Variants in EYA3 observed in about 807,000 individuals in gnomAD.
EYA3 encodes the protein protein phosphatase EYA3.
A neutral mutation model predicts 80.0 loss-of-function variants in EYA3; 39 were observed. The ratio of observed to expected loss-of-function variants is 0.49; its 90% CI spans 0.38 to 0.64. The LOEUF (loss-of-function observed/expected upper bound fraction) is 0.64. Ranked by LOEUF, EYA3 falls within the 30% of genes least tolerant of loss-of-function variation. EYA3 has a pLI of 0.00. For synonymous variants in EYA3, 206 were observed against 232.8 expected (o/e 0.88, Z 1.05); for missense variants, 523 against 676.1 (o/e 0.77, Z 2.51).
In EYA3 at chr1:27,988,571, A is replaced by G; in HGVS notation, c.1504T>C (p.Phe502Leu). 1.2e-6 allele frequency: 2 copies of G among 1,614,172 alleles called. No individual in the cohort carries two copies. Among genetic ancestry groups the G allele is most frequent in the South Asian group, 1.1e-5 (1 of 91,082 alleles). ...GCACTATAGATGTTCTCAATAGGAA[A>G]TATTTCTCCTAGTCCATATAGGAGA... ...KVLLYGLGEI[F>L]PIENIYSATK... is the part of the protein sequence containing the mutation. The change falls in exon 16 of 18, where the codon TTT becomes CTT. Residue 502 changes from phenylalanine to leucine, a missense_variant. Physicochemically the swap from Phe to Leu is conservative, Grantham distance 22 (BLOSUM62 0). Around this residue, in one of 2 missense-constraint regions of EYA3, gnomAD observed 219 missense variants for 332.8 expected, o/e 0.66. Transcript: ENST00000373871.
rs1643850526 is a variant in EYA3 at position 28,042,661 on chromosome 1, C to A, written c.78-11G>T. 9.3e-6 allele frequency: 15 copies of A among 1,609,778 alleles called. No homozygotes were observed. The highest frequency in any genetic ancestry group is 1.2e-5 in the Non-Finnish European group (14 of 1,176,068). On this transcript the variant is annotated splice_polypyrimidine_tract_variant and intron_variant, in intron 3 of 17. Transcript: ENST00000373871. ...GGATTGCTTACTTGACTGGGAGAAC[C>A]AAAATGAATACATTAGCCCCTGATT...
chr1:28,070,341 C>T (rs1260415940), intron 1 of EYA3, among the ~76,000 whole-genome samples: 1 of 152,004 alleles, frequency 6.6e-6, no homozygotes, highest in African/African-American at 2.4e-5. Flanking sequence ...CAGGTGATCA[C>T]CTGAGGTCAG....
chr1:27,999,729 A>T (rs1640700539), intron 12 of EYA3, among the ~76,000 whole-genome samples: 1 of 152,206 alleles, frequency 6.6e-6, no homozygotes, highest in Non-Finnish European at 1.5e-5. Flanking sequence ...CAAATAAACT[A>T]ACAAAAATCA....
chr1:28,060,962 T>C (rs571242700), intron 1 of EYA3, among the ~76,000 whole-genome samples: 1 of 152,248 alleles, frequency 6.6e-6, no homozygotes, highest in Non-Finnish European at 1.5e-5. Context: ...TTCAGTGAGC[T>C]GAGATCGCAC....
chr1:28,058,190 A>G, intron 1 of EYA3, 96 bp from the exon 2 acceptor site: 2 of 466,986 alleles, frequency 4.3e-6, no homozygotes, highest in Non-Finnish European at 7.4e-6. Flanking sequence ...TGCTACCCCA[A>G]GCTTTCTACG....
chr1:28,033,660 A>C (rs200837348), intron 6 of EYA3, among the ~76,000 whole-genome samples: 1 of 98,942 alleles, frequency 1.0e-5, no homozygotes, highest in Admixed American at 9.5e-5. Context: ...TATTATTATT[A>C]TTATTATTAT....
intron 14 of EYA3, among the ~76,000 whole-genome samples, chr1:27,992,070 T>C (rs1640103649): frequency 6.6e-6 from 1 of 152,214 alleles, no homozygotes; most frequent in South Asian, 2.1e-4. Context: ...ATGATTTTTA[T>C]CTGGTATTAG....
chr1:28,073,122 TATA>T (rs1406963454), intron 1 of EYA3, among the ~76,000 whole-genome samples: 5 of 56,618 alleles, frequency 8.8e-5, no homozygotes, highest in African/African-American at 2.7e-4. Context: ...TATATATATA[TATA>T]TATTTTTTTT....
At chr1:28,011,591 A>G (rs971680607) in intron 9 of EYA3, among the ~76,000 whole-genome samples, 22 of 152,174 alleles carry the variant, frequency 1.4e-4, no homozygotes, top group Admixed American at 1.4e-3. Context: ...TTCATTCACC[A>G]ATTTACTATA....
At chr1:27,999,583 A>G (rs1222861430) in intron 12 of EYA3, among the ~76,000 whole-genome samples, 1 of 152,236 alleles carries the variant, frequency 6.6e-6, no homozygotes, top group Non-Finnish European at 1.5e-5. Flanking sequence ...AGAAAAGTCA[A>G]AACATAATTG....
At chr1:28,077,521 A>G (rs932157211) in intron 1 of EYA3, among the ~76,000 whole-genome samples, 1 of 152,226 alleles carries the variant, frequency 6.6e-6, no homozygotes, top group African/African-American at 2.4e-5. Context: ...AGTGAGCTTA[A>G]TAACAGTACA....
intron 1 of EYA3, among the ~76,000 whole-genome samples, chr1:28,086,546 T>C (rs1571995637): frequency 6.6e-6 from 1 of 152,262 alleles, no homozygotes; most frequent in South Asian, 2.1e-4. Flanking sequence ...GACAATGGTA[T>C]ATAATCTTTA....
At chr1:28,073,506 C>A (rs1645102904) in intron 1 of EYA3, among the ~76,000 whole-genome samples, 1 of 151,744 alleles carries the variant, frequency 6.6e-6, no homozygotes, top group Non-Finnish European at 1.5e-5. Flanking sequence ...CACCGTGTTG[C>A]CCAGGCTGGT....
intron 16 of EYA3, among the ~76,000 whole-genome samples, chr1:27,988,234 A>T (rs1268982549): frequency 6.6e-6 from 1 of 152,174 alleles, no homozygotes; most frequent in Non-Finnish European, 1.5e-5. Flanking sequence ...ATTATACTAC[A>T]TACTCTCTGT....
At position 28,009,625 on chromosome 1, in the gene EYA3, G is replaced by C. The variant is rs966882538; in HGVS notation, c.909+1322C>G. On this transcript the variant is annotated intron_variant, in intron 10 of 17. Transcript: ENST00000373871. The surrounding 1 kb of genome is among the most constrained non-coding windows in gnomAD (Gnocchi z 4.8). The stretch of plus-strand genomic sequence containing the variant: ...AGATCGTGCCACTGCACTCCAGCCT[G>C]AGACTCCATCTCAAAACAACAACAA... 7.1e-6 allele frequency among the ~76,000 whole-genome samples: 1 copy of C among 140,850 alleles called. No homozygotes were observed. Among genetic ancestry groups the C allele is most frequent in the Admixed American group, 7.1e-5 (1 of 14,144 alleles). The allele number at this position is 140,850 out of a possible 152,430, so 92.4% of individuals were successfully genotyped here. A position where few individuals can be genotyped will look rare whatever the true frequency, so the allele number is the denominator to read the frequency against.
In EYA3 at chr1:28,086,130, T is replaced by C. The variant is rs181043699; in HGVS notation, c.-69+2394A>G. Among the ~76,000 whole-genome samples, 309 of 152,174 alleles carry C rather than the reference T, an allele frequency of 2.0e-3. 1 individual carries two copies. Among genetic ancestry groups the C allele is most frequent in the African/African-American group, 7.2e-3 (299 of 41,516 alleles). ...TGTGCTTTCCAGCCTACAGCTTTAA[T>C]GGAATTAACACTCGCTACTCTTGAG... On this transcript the variant is annotated intron_variant, in intron 1 of 17. Coordinates refer to ENST00000373871, the MANE Select transcript of EYA3 (RefSeq NM_001990.4).
At chr1:28,070,944 A>G (rs1345171356) in intron 1 of EYA3, among the ~76,000 whole-genome samples, 2 of 152,156 alleles carry the variant, frequency 1.3e-5, no homozygotes. Flanking sequence ...TTGTTTTGAG[A>G]TGGAGTCTCC....
At chr1:28,050,189 TATTATTATTA>T (rs1557617157) in intron 2 of EYA3, among the ~76,000 whole-genome samples, 8 of 141,428 alleles carry the variant, frequency 5.7e-5, no homozygotes, top group Admixed American at 1.4e-4. Context: ...TTATTATTAT[TATTATTATTA>T]TTATTTTTTT....
At chr1:28,047,521 T>C (rs1464919892) in intron 3 of EYA3, among the ~76,000 whole-genome samples, 6 of 143,646 alleles carry the variant, frequency 4.2e-5, no homozygotes, top group Admixed American at 3.4e-4. Context: ...GTAGAGGTGA[T>C]GCAGTTACTG....
Sources: gnomAD v4.1 joint callset for allele counts (sites outside exome capture counted in the v4.1 genomes callset) on GRCh38, gnomAD v4.1.1 for gene constraint, gnomAD v4.1.1 regional missense constraint, Gnocchi (gnomAD v3.1) non-coding constraint, MANE v1.5 for transcripts, NCBI Gene and HGNC (gene_info 2026-07-23, HGNC 2026-07-21) for gene names.